Variants in MEGF10 observed in about 807,000 individuals in gnomAD.
MEGF10 encodes the protein multiple epidermal growth factor-like domains protein 10.
Under a neutral mutation model 147.5 loss-of-function variants are expected in MEGF10, and 86 were observed. That is an observed-to-expected ratio of 0.58 (90% CI 0.49 to 0.70). The LOEUF is 0.70. Ranked by LOEUF, MEGF10 falls within the 30% of genes least tolerant of loss-of-function variation. MEGF10 has a pLI of 0.00. For synonymous variants in MEGF10, 478 were observed against 525.5 expected (o/e 0.91, Z 1.24); for missense variants, 1,329 against 1,487.3 (o/e 0.89, Z 1.75).
At chr5:127,235,557 G>C in the MEGF10 span, among the ~76,000 whole-genome samples, 3 of 152,212 alleles carry the variant, frequency 2.0e-5, no homozygotes, top group South Asian at 2.1e-4. Flanking sequence ...TTCAGTAACT[G>C]CATGTCATCC....
At chr5:127,241,028 G>A in the MEGF10 span, among the ~76,000 whole-genome samples, 2 of 151,948 alleles carry the variant, frequency 1.3e-5, no homozygotes. Context: ...ATGTGGCTTG[G>A]GCAATGATCT....
intron 4 of MEGF10, among the ~76,000 whole-genome samples, chr5:127,358,385 A>C (rs907791432): frequency 2.0e-5 from 3 of 152,214 alleles, no homozygotes; most frequent in African/African-American, 7.2e-5. Flanking sequence ...TTTATTATTC[A>C]TATGTGATTC....
At chr5:127,385,965 G>A (rs1263367177) in intron 5 of MEGF10, among the ~76,000 whole-genome samples, 2 of 152,142 alleles carry the variant, frequency 1.3e-5, no homozygotes, top group African/African-American at 2.4e-5. Context: ...AAAATCATCT[G>A]GGCATGGTAG....
chr5:127,345,374 G>T (rs1426175788), intron 4 of MEGF10, among the ~76,000 whole-genome samples: 1 of 152,078 alleles, frequency 6.6e-6, no homozygotes, highest in Non-Finnish European at 1.5e-5. Context: ...GGAACTCCTG[G>T]TCCACAGAGC....
At chr5:127,423,806 A>G (rs1455914024) in intron 13 of MEGF10, among the ~76,000 whole-genome samples, 2 of 152,106 alleles carry the variant, frequency 1.3e-5, no homozygotes, top group Non-Finnish European at 2.9e-5. Flanking sequence ...ATTTACAAAT[A>G]TTTTATTCCA....
At chr5:127,321,828 T>G (rs548497747) in intron 1 of MEGF10, among the ~76,000 whole-genome samples, 1 of 152,226 alleles carries the variant, frequency 6.6e-6, no homozygotes, top group Admixed American at 6.5e-5. Flanking sequence ...CCTCTCAGTG[T>G]CCCTGTCCTC....
the MEGF10 span, among the ~76,000 whole-genome samples, chr5:127,236,934 G>C: frequency 3.3e-5 from 5 of 152,216 alleles, no homozygotes; most frequent in African/African-American, 1.2e-4. Flanking sequence ...AGCTCAAGCT[G>C]CTGTACCTGT....
At chr5:127,308,726 A>C (rs1047562231) in intron 1 of MEGF10, among the ~76,000 whole-genome samples, 4 of 148,290 alleles carry the variant, frequency 2.7e-5, no homozygotes, top group South Asian at 2.2e-4. Context: ...GGTGGGGGGA[A>C]GGGGGAGGGA....
chr5:127,290,950 T>G lies in MEGF10; in HGVS notation c.-125T>G, dbSNP rs1191716915. The stretch of plus-strand genomic sequence containing the variant: ...AGATTGCTTTCTTCTGGGACGCTGC[T>G]TGGACGCTAACCGCGTTGATTGGAA... On this transcript the variant is annotated 5_prime_UTR_variant, in exon 1 of 25. Coordinates refer to ENST00000503335, the MANE Select transcript of MEGF10 (RefSeq NM_001256545.2). 2 of 152,282 alleles carry G rather than the reference T, an allele frequency of 1.3e-5. No homozygotes were observed. Among genetic ancestry groups the G allele is most frequent in the Non-Finnish European group, 2.9e-5 (2 of 68,078 alleles). 9.4% of individuals were successfully genotyped at this position (152,282 alleles called of 1,614,324 possible). A position where few individuals can be genotyped will look rare whatever the true frequency, so the allele number is the denominator to read the frequency against.
the MEGF10 span, among the ~76,000 whole-genome samples, chr5:127,273,506 T>A: frequency 6.6e-6 from 1 of 152,356 alleles, no homozygotes; most frequent in East Asian, 1.9e-4. Flanking sequence ...CCATCTTGGA[T>A]CCCTTGAATT....
At chr5:127,425,662 A>G (rs1295658946) in intron 13 of MEGF10, among the ~76,000 whole-genome samples, 1 of 152,172 alleles carries the variant, frequency 6.6e-6, no homozygotes. Flanking sequence ...TATTATTTAC[A>G]AAGGTCATCA....
chr5:127,370,046 G>C, intron 5 of MEGF10, 44 bp downstream of exon 5: 1 of 1,477,972 alleles, frequency 6.8e-7, no homozygotes, highest in Non-Finnish European at 9.4e-7. Flanking sequence ...TGTTTTTGCT[G>C]TAAGGCCCTC....
chr5:127,394,835 T>C (rs1763837469), intron 5 of MEGF10, among the ~76,000 whole-genome samples: 1 of 152,226 alleles, frequency 6.6e-6, no homozygotes, highest in Non-Finnish European at 1.5e-5. Flanking sequence ...TTCTCTCTCA[T>C]TGTTTTTAAT....
At chr5:127,336,384 G>T (rs1265213250) in intron 2 of MEGF10, among the ~76,000 whole-genome samples, 1 of 151,964 alleles carries the variant, frequency 6.6e-6, no homozygotes, top group Non-Finnish European at 1.5e-5. Flanking sequence ...TTGAGGGCAG[G>T]AATTGCATAG....
chr5:127,365,324 C>CT (rs1464533913), intron 4 of MEGF10, among the ~76,000 whole-genome samples: 9 of 152,176 alleles, frequency 5.9e-5, no homozygotes, highest in Non-Finnish European at 8.8e-5. Flanking sequence ...CCTCCTTTCA[C>CT]TTTTTTGCCA....
At chr5:127,250,922 A>T in the MEGF10 span, among the ~76,000 whole-genome samples, 1 of 151,948 alleles carries the variant, frequency 6.6e-6, no homozygotes, top group Admixed American at 6.6e-5. Context: ...ATAATAAAAA[A>T]CCCTAACAGT....
chr5:127,239,418 GGAGA>G, the MEGF10 span, among the ~76,000 whole-genome samples: 8 of 118,320 alleles, frequency 6.8e-5, no homozygotes, highest in Admixed American at 2.5e-4. Flanking sequence ...CACACACACG[GGAGA>G]GAGAGAATAA....
At chr5:127,371,309 C>T (rs577186136) in intron 5 of MEGF10, among the ~76,000 whole-genome samples, 1 of 147,598 alleles carries the variant, frequency 6.8e-6, no homozygotes, top group Admixed American at 6.9e-5. Flanking sequence ...TTTTGTTTTG[C>T]TTCTGTTGGA....
intron 7 of MEGF10, among the ~76,000 whole-genome samples, chr5:127,400,148 A>C (rs983284892): frequency 6.6e-6 from 1 of 152,214 alleles, no homozygotes; most frequent in Non-Finnish European, 1.5e-5. Flanking sequence ...TGTCAAGGCC[A>C]CTGGGACAAG....
Sources: gnomAD v4.1 joint callset for allele counts (sites outside exome capture counted in the v4.1 genomes callset) on GRCh38, gnomAD v4.1.1 for gene constraint, MANE v1.5 for transcripts, NCBI Gene and HGNC (gene_info 2026-07-23, HGNC 2026-07-21) for gene names.